The following ATG7 variants were observed in gnomAD, a reference collection of about 807,000 sequenced individuals.
ATG7 encodes ubiquitin-like modifier-activating enzyme ATG7.
A neutral mutation model predicts 82.4 loss-of-function variants in ATG7; 70 were observed. That is an observed-to-expected ratio of 0.85 (90% CI 0.70 to 1.04). The LOEUF (loss-of-function observed/expected upper bound fraction) is 1.04, where lower values mean the gene tolerates loss of function less well. ATG7 is among the 50% of genes least tolerant of loss of function. The pLI is 0.00. For missense variants in ATG7, 792 were observed against 864.3 expected, an observed-to-expected ratio of 0.92 and a Z score of 1.05; for synonymous variants, 287 against 313.0, an observed-to-expected ratio of 0.92 and a Z score of 0.88.
At chr3:11,415,054 C>T (rs911546361) in intron 19 of ATG7, among the ~76,000 whole-genome samples, 1 of 152,240 alleles carries the variant, frequency 6.6e-6, no homozygotes, top group Non-Finnish European at 1.5e-5. Flanking sequence ...GCCTACTGCA[C>T]ACCTAGGCTA....
At chr3:11,568,273 G>A in the ATG7 span, among the ~76,000 whole-genome samples, 6 of 152,188 alleles carry the variant, frequency 3.9e-5, no homozygotes, top group Non-Finnish European at 8.8e-5. The surrounding 1 kb of genome is among the most constrained non-coding windows in gnomAD (Gnocchi z 5.9). Context: ...GCACAGTCAC[G>A]CAGATGACTC....
At chr3:11,452,384 C>CA (rs34530409) in intron 20 of ATG7, among the ~76,000 whole-genome samples, 30,037 of 58,224 alleles carry the variant, frequency 0.52, 8,440 homozygotes, top group Non-Finnish European at 0.58. Context: ...GAACCTGTCT[C>CA]AAAAAAAAAA....
intron 8 of ATG7, among the ~76,000 whole-genome samples, chr3:11,314,704 G>A (rs1238484026): frequency 6.6e-6 from 1 of 152,120 alleles, no homozygotes; most frequent in African/African-American, 2.4e-5. Flanking sequence ...GAACGCAGAG[G>A]TGAGCATACC....
chr3:11,506,550 T>G (rs1354404928), intron 20 of ATG7, among the ~76,000 whole-genome samples: 1 of 67,788 alleles, frequency 1.5e-5, no homozygotes, highest in Non-Finnish European at 2.5e-5. Context: ...AAACCCCATC[T>G]CTACAAAAAA....
chr3:11,342,346 C>A, intron 13 of ATG7, 67 bp downstream of exon 13: 2 of 1,518,506 alleles, frequency 1.3e-6, no homozygotes, highest in Non-Finnish European at 1.8e-6. Flanking sequence ...GTTTTACTCT[C>A]ATGATTGCCT....
chr3:11,415,906 A>G (rs1559573991), intron 19 of ATG7, among the ~76,000 whole-genome samples: 1 of 152,156 alleles, frequency 6.6e-6, no homozygotes, highest in Non-Finnish European at 1.5e-5. Context: ...CTTTTATGCT[A>G]CGGGCAGCAC....
At chr3:11,442,565 G>A (rs377439897) in intron 20 of ATG7, among the ~76,000 whole-genome samples, 56 of 151,856 alleles carry the variant, frequency 3.7e-4, no homozygotes, top group African/African-American at 1.3e-3. Context: ...GACTGTCAAA[G>A]TGATTAGCAA....
At chr3:11,559,272 G>A, downstream of ATG7, 1 of 1,472,780 alleles carries the variant, frequency 6.8e-7, no homozygotes, top group Non-Finnish European at 9.0e-7. Flanking sequence ...CAGCATGACA[G>A]AGAAGGGCTC....
the ATG7 span, among the ~76,000 whole-genome samples, chr3:11,573,306 AG>A: frequency 2.2e-3 from 31 of 14,046 alleles, 3 homozygotes; most frequent in Middle Eastern, 0.028. Flanking sequence ...AAAGAAAGAA[AG>A]GAAGGAAGGA....
intron 19 of ATG7, among the ~76,000 whole-genome samples, chr3:11,396,325 G>A (rs1334817662): frequency 6.6e-6 from 1 of 151,902 alleles, no homozygotes; most frequent in East Asian, 1.9e-4. Context: ...TGTAGTTCCA[G>A]CTACTTCAGG....
chr3:11,490,978 T>C (rs1240213230), intron 20 of ATG7, among the ~76,000 whole-genome samples: 1 of 152,156 alleles, frequency 6.6e-6, no homozygotes, highest in African/African-American at 2.4e-5. Context: ...AGGAGTATCT[T>C]TGTGGTGTTC....
chr3:11,382,725 C>T (rs138716080), intron 19 of ATG7, among the ~76,000 whole-genome samples: 273 of 152,280 alleles, frequency 1.8e-3, no homozygotes, highest in African/African-American at 6.1e-3. Flanking sequence ...TCCTGTAGTG[C>T]ATTAAATTAC....
chr3:11,554,696 A>G, intron 20 of ATG7, 115 bp from the exon 21 acceptor site: 1 of 1,273,240 alleles, frequency 7.9e-7, no homozygotes, highest in Non-Finnish European at 1.1e-6. Flanking sequence ...CCTCAGAAAC[A>G]AGGGAGTGGT....
chr3:11,506,584 A>AC (rs370910174), intron 20 of ATG7, among the ~76,000 whole-genome samples: 2 of 13,654 alleles, frequency 1.5e-4, no homozygotes, highest in African/African-American at 4.9e-4. Context: ...AAAAAAAAAA[A>AC]CCCAAAAATT....
chr3:11,488,656 C>T (rs987693226), intron 20 of ATG7, among the ~76,000 whole-genome samples: 1 of 152,194 alleles, frequency 6.6e-6, no homozygotes, highest in African/African-American at 2.4e-5. Flanking sequence ...GTGACCTCCT[C>T]TCAAGATGTG....
the ATG7 span, among the ~76,000 whole-genome samples, chr3:11,563,080 T>G: frequency 2.0e-5 from 3 of 152,214 alleles, no homozygotes; most frequent in African/African-American, 4.8e-5. Context: ...TCAAGAGCCC[T>G]GAAGAGTCAA....
intron 20 of ATG7, among the ~76,000 whole-genome samples, chr3:11,552,352 G>A (rs1204701187): frequency 6.6e-6 from 1 of 152,164 alleles, no homozygotes; most frequent in Non-Finnish European, 1.5e-5. Context: ...TCGGCACTGA[G>A]TATTGATATT....
In ATG7 at chr3:11,411,619, C is replaced by CAAAAAAAAAAAAAAAAA. The variant is rs71055868; in HGVS notation, c.1957-15172_1957-15156dup. 1.3e-4 allele frequency among the ~76,000 whole-genome samples: 9 copies of CAAAAAAAAAAAAAAAAA among 71,758 alleles called. 1 individual carries two copies. The highest frequency in any genetic ancestry group is 2.3e-4 in the Non-Finnish European group (8 of 34,088). The allele number at this position is 71,758 out of a possible 152,430, so 47.1% of individuals were successfully genotyped here. A position where few individuals can be genotyped will look rare whatever the true frequency, so the allele number is the denominator to read the frequency against. ...TGGTGACACAGCAAGACTCTGTCTCCAAAAAAAAAAAAAAAAAAAAAAAAA... is the reference window on the plus strand; with the variant it reads ...TGGTGACACAGCAAGACTCTGTCTCCAAAAAAAAAAAAAAAAAAAAAAAAAAAAAAAAAAAAAAAAAA... On this transcript the variant is annotated intron_variant, in intron 19 of 20. Coordinates refer to ENST00000693202, the MANE Select transcript of ATG7 (RefSeq NM_001349232.2).
intron 20 of ATG7, among the ~76,000 whole-genome samples, chr3:11,507,436 T>C (rs868073353): frequency 2.6e-5 from 4 of 152,184 alleles, no homozygotes; most frequent in African/African-American, 9.7e-5. Context: ...CAAATAATGA[T>C]CTAGTGTCAA....
Sources: allele counts gnomAD v4.1 joint callset (sites outside exome capture counted in the v4.1 genomes callset), GRCh38; gene constraint gnomAD v4.1.1; non-coding constraint Gnocchi (gnomAD v3.1); transcripts MANE v1.5; gene names NCBI Gene and HGNC (gene_info 2026-07-23, HGNC 2026-07-21).